The following TTI1 variants were observed in gnomAD, a reference collection of about 807,000 sequenced individuals.
TTI1 encodes TELO2 interacting protein 1.
TTI1 carries 52 observed loss-of-function variants against 85.4 expected under a neutral mutation model. The observed-to-expected ratio is 0.61, with a 90% confidence interval of 0.49 to 0.77. TTI1 has a LOEUF of 0.77. TTI1 is among the 30% of genes least tolerant of loss of function. The pLI, the probability that TTI1 is intolerant of heterozygous loss-of-function variation, is 0.00. For missense variants in TTI1, 1,173 were observed against 1,296.0 expected (o/e 0.91, Z 1.46); for synonymous variants, 512 against 503.9 (o/e 1.02, Z -0.22).
chr20:38,006,365 G>A lies in TTI1; in HGVS notation c.2335C>T (p.His779Tyr), dbSNP rs1467965773. 3 of 1,614,106 alleles carry A rather than the reference G, an allele frequency of 1.9e-6. No individual in the cohort carries two copies. The highest frequency in any genetic ancestry group is 1.3e-5 in the African/African-American group (1 of 75,010). ...QWFPDTGNLG[H>Y]LQEQSLGEEG... The stretch of plus-strand genomic sequence containing the variant: ...TCTCCTAAACTTTGCTCTTGGAGGT[G>A]CCCAAGATTACCTGTGTCTGGGAAC... The change falls in exon 3 of 8, where the codon CAC (histidine) becomes TAC (tyrosine). Residue 779 changes from histidine (H) to tyrosine (Y), a missense_variant. His to Tyr is a moderately conservative substitution (Grantham distance 83, BLOSUM62 2). Coordinates refer to ENST00000373447, the MANE Select transcript of TTI1 (RefSeq NM_001303457.2).
intron 2 of TTI1, among the ~76,000 whole-genome samples, chr20:38,008,605 C>G (rs1431929956): frequency 6.6e-6 from 1 of 152,154 alleles, no homozygotes; most frequent in Non-Finnish European, 1.5e-5. Flanking sequence ...GCACCTAATG[C>G]TTTTTTAGTC....
chr20:38,023,573 G>A (rs1414627002), intron 1 of TTI1, among the ~76,000 whole-genome samples: 1 of 152,212 alleles, frequency 6.6e-6, no homozygotes, highest in Non-Finnish European at 1.5e-5. Context: ...GTACACTGGA[G>A]GACTACTATC....
At chr20:38,031,593 T>C (rs6068552) in intron 1 of TTI1, among the ~76,000 whole-genome samples, 32,105 of 152,176 alleles carry the variant, frequency 0.21, 3,822 homozygotes, top group African/African-American at 0.33. Context: ...TAAACTTGCA[T>C]GTTTGTTTTT....
chr20:38,002,671 C>T lies in TTI1; in HGVS notation c.2609G>A (p.Cys870Tyr), dbSNP rs1568615951. ...ATTTTTATCTGACAACAAGTGGATG[C>T]AGCGTTCCATCACGTCCATGGCTAT... ...IQIAMDVMER[C>Y]IHLLSDKNLQ... The change falls in exon 4 of 8, where the codon TGC (cysteine) becomes TAC (tyrosine). Residue 870 changes from cysteine to tyrosine, a missense_variant. Physicochemically the swap from Cys to Tyr is radical, Grantham distance 194. Transcript: ENST00000373447. The T allele has an allele frequency of 1.9e-6, 3 of 1,614,118 alleles. No individual in the cohort carries two copies. Among genetic ancestry groups the T allele is most frequent in the East Asian group, 2.2e-5 (1 of 44,900 alleles).
In TTI1 at chr20:37,983,539, G is replaced by A; in HGVS notation, c.3187C>T (p.His1063Tyr). 6.2e-7 allele frequency: 1 copy of A among 1,611,826 alleles called. No individual in the cohort carries two copies. The highest frequency in any genetic ancestry group is 8.5e-7 in the Non-Finnish European group (1 of 1,179,392). The stretch of plus-strand genomic sequence containing the variant: ...CTGGCCCCGTGCAGCTGCACAGGGT[G>A]GAGGCTGGGGTGGGGAGGTGTGAAC... ...VQFTPPHPSL[H>Y]PVQLHGASGQ... Residue 1063 changes from histidine to tyrosine, a missense_variant, in exon 8 of 8, where the codon CAC becomes TAC. His to Tyr is a moderately conservative substitution (Grantham distance 83). Transcript: ENST00000373447.
intron 3 of TTI1, among the ~76,000 whole-genome samples, chr20:38,004,527 A>C (rs1035944924): frequency 2.0e-5 from 3 of 152,236 alleles, no homozygotes; most frequent in South Asian, 2.1e-4. Context: ...TTATGTGCTT[A>C]AAACAAAAAA....
intron 7 of TTI1, chr20:37,987,144 C>A (rs939154688): frequency 2.2e-6 from 1 of 456,590 alleles, no homozygotes; most frequent in African/African-American, 2.0e-5. Flanking sequence ...GGAGCTGAGC[C>A]TGAGGCCCAG....
At chr20:38,027,587 C>G (rs1023657084) in intron 1 of TTI1, among the ~76,000 whole-genome samples, 6 of 152,108 alleles carry the variant, frequency 3.9e-5, no homozygotes, top group Non-Finnish European at 8.8e-5. Flanking sequence ...GTATTATATG[C>G]TGTGTTCTTA....
intron 7 of TTI1, among the ~76,000 whole-genome samples, chr20:37,989,699 T>C (rs2073237175): frequency 6.6e-6 from 1 of 152,238 alleles, no homozygotes; most frequent in African/African-American, 2.4e-5. Flanking sequence ...TCGGGCCACA[T>C]TGTTTCCTGC....
intron 1 of TTI1, among the ~76,000 whole-genome samples, chr20:38,020,647 C>A (rs2073757687): frequency 1.3e-5 from 2 of 151,748 alleles, no homozygotes; most frequent in South Asian, 4.2e-4. Context: ...TTTAAAAAAT[C>A]ATTTAAAAAA....
chr20:37,996,068 G>A (rs2073333736), intron 7 of TTI1, among the ~76,000 whole-genome samples: 1 of 152,190 alleles, frequency 6.6e-6, no homozygotes, highest in African/African-American at 2.4e-5. Context: ...CCAGGCACCT[G>A]GTCTCCAGGC....
chr20:38,012,653 T>C lies in TTI1; in HGVS notation c.1164A>G (p.Leu388=), dbSNP rs1409879275. 1 of 1,614,186 alleles carries C rather than the reference T, an allele frequency of 6.2e-7. No individual in the cohort carries two copies. The highest frequency in any genetic ancestry group is 8.5e-7 in the Non-Finnish European group (1 of 1,180,036). The stretch of plus-strand genomic sequence containing the variant: ...TGCCCTGGTCATCTTGGGAGTTCAT[T>C]AGGCGAGGAAGAGATGTGGCAAGGG... ...LHSLATSLPR[L]MNSQDDQGKF... Residue 388 remains leucine (L), a synonymous_variant, in exon 2 of 8, where the codon CTA becomes CTG. Coordinates refer to ENST00000373447, the MANE Select transcript of TTI1 (RefSeq NM_001303457.2).
rs1568619325 is a variant in TTI1 at position 38,008,149 on chromosome 20, G to A, written c.2303-1752C>T. 2.6e-5 allele frequency among the ~76,000 whole-genome samples: 4 copies of A among 152,318 alleles called. No homozygotes were observed. The South Asian group carries it at 6.2e-4, about 24-fold the overall frequency. ...GGTAATACACAGTGTGGGTGATGGC[G>A]TGGCAAAACTGGCACTCTCGTACAT... is the stretch of plus-strand genomic sequence containing the variant. On this transcript the variant is annotated intron_variant, in intron 2 of 7. Transcript: ENST00000373447.
chr20:37,989,554 G>C (rs1256123397), intron 7 of TTI1, among the ~76,000 whole-genome samples: 1 of 152,176 alleles, frequency 6.6e-6, no homozygotes, highest in East Asian at 1.9e-4. Flanking sequence ...CTTTCCATCT[G>C]GCCAGTTCTC....
At chr20:37,997,541 T>C (rs545157754) in intron 5 of TTI1, among the ~76,000 whole-genome samples, 1 of 151,810 alleles carries the variant, frequency 6.6e-6, no homozygotes, top group Non-Finnish European at 1.5e-5. Flanking sequence ...TCAGAACAGA[T>C]AGTTTCTTTG....
intron 4 of TTI1, among the ~76,000 whole-genome samples, chr20:38,002,006 C>T (rs144003900): frequency 9.2e-5 from 14 of 152,242 alleles, no homozygotes; most frequent in African/African-American, 3.1e-4. Flanking sequence ...CGTGAGCCAC[C>T]GCGCCTGGCC....
rs149337941 is a variant in TTI1, at chr20:38,011,825, G to T, written c.1992C>A (p.Thr664=). Residue 664 remains threonine (T), a synonymous_variant, in exon 2 of 8, where the codon ACC becomes ACA. Transcript: ENST00000373447. ...YPVLEKAGDQ[T]LLISQVATST... ...TGGTAGCCACCTGACTAATGAGTAGGGTTTGGTCTCCAGCCTTCTCCAGTA... is the reference window on the plus strand; with the variant it reads ...TGGTAGCCACCTGACTAATGAGTAGTGTTTGGTCTCCAGCCTTCTCCAGTA... 2 of 1,614,042 alleles carry T rather than the reference G, an allele frequency of 1.2e-6. No homozygotes were observed. The highest frequency in any genetic ancestry group is 1.7e-6 in the Non-Finnish European group (2 of 1,180,044).
chr20:38,022,944 T>TA (rs1211979516), intron 1 of TTI1, among the ~76,000 whole-genome samples: 1 of 152,162 alleles, frequency 6.6e-6, no homozygotes, highest in Non-Finnish European at 1.5e-5. Flanking sequence ...CAATATAAAA[T>TA]AAACTTATGG....
Position 38,002,638 on chromosome 20 carries a change from A to G in TTI1, c.2642T>C (p.Ile881Thr), listed in dbSNP as rs548427171. The change falls in exon 4 of 8, where the codon ATC (isoleucine) becomes ACC (threonine). Residue 881 changes from isoleucine (I) to threonine (T), a missense_variant. Ile to Thr is a moderately conservative substitution (Grantham distance 89). Coordinates refer to ENST00000373447, the MANE Select transcript of TTI1 (RefSeq NM_001303457.2). ...CAGCTGCGCACTGACCTTCAGGCGG[A>G]TTTGCAGATTTTTATCTGACAACAA... The part of the protein sequence containing the change: ...IHLLSDKNLQ[I>T]RLKVLDVLDL... The G allele has an allele frequency of 2.5e-6, 4 of 1,614,194 alleles. No individual in the cohort carries two copies. Among genetic ancestry groups the G allele is most frequent in the African/African-American group, 2.7e-5 (2 of 75,062 alleles).
Sources: allele counts gnomAD v4.1 joint callset (sites outside exome capture counted in the v4.1 genomes callset), GRCh38; gene constraint gnomAD v4.1.1; transcripts MANE v1.5; gene names NCBI Gene and HGNC (gene_info 2026-07-23, HGNC 2026-07-21).